PIK3CA: variants seen among roughly 807,000 people sequenced by gnomAD.
PIK3CA encodes the protein phosphatidylinositol 4,5-bisphosphate 3-kinase catalytic subunit alpha isoform.
In PIK3CA, 27 loss-of-function variants were observed where a neutral mutation model predicts 138.2. That is an observed-to-expected ratio of 0.20 (90% CI 0.14 to 0.27). The LOEUF is 0.27. Ranked by LOEUF, PIK3CA falls within the 10% of genes least tolerant of loss-of-function variation. The probability of loss-of-function intolerance (pLI) is 1.00; values close to 1 mark genes in which losing one functional copy is unlikely to be tolerated. For synonymous variants in PIK3CA, 358 were observed against 413.2 expected, an observed-to-expected ratio of 0.87 and a Z score of 1.62; for missense variants, 544 against 1,277.4, an observed-to-expected ratio of 0.43 and a Z score of 8.75.
intron 1 of PIK3CA, among the ~76,000 whole-genome samples, chr3:179,165,860 A>G (rs1184811061): frequency 1.3e-5 from 2 of 152,100 alleles, no homozygotes; most frequent in Non-Finnish European, 2.9e-5. Flanking sequence ...ACTCAGTAAC[A>G]TGTTGATCTT....
rs937679966 is a variant in PIK3CA, at chr3:179,235,383, T to C, written c.*1019T>C. ...TCTGTCCCATAGTCATGCATTGTTT[T>C]GCACCCCAAATTTTTTATTGTTCAT... is the stretch of plus-strand genomic sequence containing the variant. On this transcript the variant is annotated 3_prime_UTR_variant, in exon 21 of 21. Transcript: ENST00000263967. 15 of 184,018 alleles carry C rather than the reference T, an allele frequency of 8.2e-5. No homozygotes were observed. The highest frequency in any genetic ancestry group is 1.0e-4 in the Non-Finnish European group (9 of 86,690). The allele number at this position is 184,018 out of a possible 1,614,324, so 11.4% of individuals were successfully genotyped here.
At chr3:179,210,095 A>G in intron 7 of PIK3CA, 91 bp from the exon 8 acceptor site, 1 of 937,682 alleles carries the variant, frequency 1.1e-6, no homozygotes, top group Non-Finnish European at 1.6e-6. Context: ...TATTATAGAG[A>G]TGATTGTTGA....
rs137902538 is a variant in PIK3CA, at chr3:179,219,612, A to G, written c.1788A>G (p.Glu596=). 827 of 1,584,662 alleles carry G rather than the reference A, an allele frequency of 5.2e-4. 2 individuals are homozygous for G. In the African/African-American group the frequency reaches 0.01, roughly 20 times the overall value. ...AAGATTGGCCTCCAATCAAACCTGA[A>G]CAGGCTATGGAACTTCTGGACTGTA... ...LVKDWPPIKP[E]QAMELLDCNY... Residue 596 remains glutamate, a synonymous_variant, in exon 12 of 21, where the codon GAA becomes GAG. Transcript: ENST00000263967. The surrounding 1 kb of genome is among the most constrained non-coding windows in gnomAD (Gnocchi z 4.2).
chr3:179,199,995 G>A, intron 3 of PIK3CA, 96 bp downstream of exon 3: 1 of 704,464 alleles, frequency 1.4e-6, no homozygotes, highest in South Asian at 2.1e-5. Context: ...TTTCCAGCTA[G>A]ATAGTAAGCT....
intron 1 of PIK3CA, 144 bp downstream of exon 1, chr3:179,148,747 C>G (rs999416097): frequency 6.6e-6 from 1 of 152,262 alleles, no homozygotes; most frequent in African/African-American, 2.4e-5. Context: ...CGGAGTTCGC[C>G]TGCGATCGCC....
chr3:179,206,202 C>T (rs1445537883), intron 6 of PIK3CA, among the ~76,000 whole-genome samples: 1 of 149,998 alleles, frequency 6.7e-6, no homozygotes, highest in Non-Finnish European at 1.5e-5. Context: ...GGACTACAGG[C>T]ACATGCCACT....
chr3:179,215,371 C>G lies in PIK3CA; in HGVS notation c.1540-2839C>G, dbSNP rs1724814053. 2.0e-5 allele frequency among the ~76,000 whole-genome samples: 3 copies of G among 152,164 alleles called. No individual in the cohort carries two copies. In the South Asian group the frequency reaches 6.2e-4, roughly 32 times the overall value. On this transcript the variant is annotated intron_variant, in intron 9 of 20. Transcript: ENST00000263967. ...CTTATTTTATAGCAGAATAAAACTT[C>G]TATTTTTCAGTTACAATTTGTATCT...
intron 3 of PIK3CA, among the ~76,000 whole-genome samples, chr3:179,200,611 TTTCTA>T (rs1202594000): frequency 6.6e-6 from 1 of 152,192 alleles, no homozygotes; most frequent in African/African-American, 2.4e-5. Context: ...TCAAAATTCT[TTTCTA>T]TTCTAGCATA....
intron 1 of PIK3CA, among the ~76,000 whole-genome samples, chr3:179,193,002 G>A (rs1353482989): frequency 2.0e-5 from 3 of 152,200 alleles, no homozygotes; most frequent in African/African-American, 7.2e-5. Context: ...AATGACAATG[G>A]AGAATCTGAT....
chr3:179,162,723 T>C (rs899560173), intron 1 of PIK3CA, among the ~76,000 whole-genome samples: 1 of 151,988 alleles, frequency 6.6e-6, no homozygotes, highest in Non-Finnish European at 1.5e-5. Flanking sequence ...AATGAGCCAA[T>C]GTGAAGAAAC....
At chr3:179,206,620 T>G (rs981039207) in intron 6 of PIK3CA, among the ~76,000 whole-genome samples, 1 of 152,190 alleles carries the variant, frequency 6.6e-6, no homozygotes, top group African/African-American at 2.4e-5. Flanking sequence ...AAACTAGCTT[T>G]ATAAAAGTAA....
intron 8 of PIK3CA, 25 bp from the exon 9 acceptor site, chr3:179,210,406 T>TAA: frequency 1.2e-6 from 2 of 1,608,862 alleles, no homozygotes; most frequent in Middle Eastern, 1.7e-4. Context: ...TATGTATATA[T>TAA]AATAGCTTTT....
chr3:179,237,344 A>AT lies in PIK3CA; in HGVS notation c.*2984dup. On this transcript the variant is annotated 3_prime_UTR_variant, in exon 21 of 21. Coordinates refer to ENST00000263967, the MANE Select transcript of PIK3CA (RefSeq NM_006218.4). Reference sequence around the variant, plus strand: ...TAGTGTCAAAGTAATCAACTTTGAGATTTTCCCTTCTATTCTGCTTTATAT... The same window carrying AT: ...TAGTGTCAAAGTAATCAACTTTGAGATTTTTCCCTTCTATTCTGCTTTATAT... The AT allele has an allele frequency of 5.1e-6, 1 of 196,260 alleles. No homozygotes were observed. The highest frequency in any genetic ancestry group is 2.3e-5 in the African/African-American group (1 of 43,388). The allele number at this position is 196,260 out of a possible 1,614,324, so 12.2% of individuals were successfully genotyped here. A position where few individuals can be genotyped will look rare whatever the true frequency, so the allele number is the denominator to read the frequency against.
At chr3:179,227,764 C>T (rs966637254) in intron 17 of PIK3CA, among the ~76,000 whole-genome samples, 2 of 152,046 alleles carry the variant, frequency 1.3e-5, no homozygotes, top group Non-Finnish European at 2.9e-5. Context: ...ACTTTGGATA[C>T]TTACGTGTCA....
At chr3:179,202,011 G>A (rs962008851) in intron 4 of PIK3CA, among the ~76,000 whole-genome samples, 1 of 152,102 alleles carries the variant, frequency 6.6e-6, no homozygotes. Context: ...TGAAAATGTT[G>A]GCAGTTACTC....
rs202133178 is a variant in PIK3CA, at chr3:179,150,202, T to TG, written c.-77+1599_-77+1600insG. Among the ~76,000 whole-genome samples the TG allele has an allele frequency of 3.2e-3, 471 of 148,180 alleles. 1 individual carries two copies. The highest frequency in any genetic ancestry group is 5.1e-3 in the Non-Finnish European group (339 of 66,808). On this transcript the variant is annotated intron_variant, in intron 1 of 20. Transcript: ENST00000263967. Reference sequence around the variant, plus strand: ...GTGTGTGTGTGTGTGTGTGTGTGTGTTGGTATTTTGCTTAAGTTTTTTCAT... The same window carrying TG: ...GTGTGTGTGTGTGTGTGTGTGTGTGTGTGGTATTTTGCTTAAGTTTTTTCAT...
intron 1 of PIK3CA, among the ~76,000 whole-genome samples, chr3:179,183,700 A>C (rs1340955689): frequency 6.6e-6 from 1 of 152,254 alleles, no homozygotes; most frequent in Admixed American, 6.5e-5. Flanking sequence ...AAGAAAGGAA[A>C]TCAGTCCAAG....
chr3:179,205,083 G>A (rs982876702), intron 6 of PIK3CA, among the ~76,000 whole-genome samples: 2 of 145,302 alleles, frequency 1.4e-5, no homozygotes, highest in Non-Finnish European at 3.0e-5. Flanking sequence ...GCATGTGCCT[G>A]TAGTCCCAGC....
intron 3 of PIK3CA, 39 bp downstream of exon 3, chr3:179,199,938 T>C: frequency 8.1e-7 from 1 of 1,239,784 alleles, no homozygotes; most frequent in Non-Finnish European, 1.2e-6. Context: ...ATTACTATAG[T>C]GCAGTCTTCT....
Sources: allele counts gnomAD v4.1 joint callset (sites outside exome capture counted in the v4.1 genomes callset), GRCh38; gene constraint gnomAD v4.1.1; non-coding constraint Gnocchi (gnomAD v3.1); transcripts MANE v1.5; gene names NCBI Gene and HGNC (gene_info 2026-07-23, HGNC 2026-07-21).